COL24A1: variants seen among roughly 807,000 people sequenced by gnomAD.
The protein encoded by COL24A1 is collagen type XXIV alpha 1 chain.
A neutral mutation model predicts 253.9 loss-of-function variants in COL24A1; 224 were observed. The observed-to-expected ratio is 0.88, with a 90% CI of 0.79 to 0.99. The LOEUF (loss-of-function observed/expected upper bound fraction) is 0.99. COL24A1 is among the 50% of genes least tolerant of loss of function. The pLI is 0.00. For synonymous variants in COL24A1, 685 were observed against 673.7 expected (o/e 1.02, Z -0.26); for missense variants, 2,131 against 2,068.5 (o/e 1.03, Z -0.59).
intron 8 of COL24A1, among the ~76,000 whole-genome samples, chr1:86,061,949 G>C (rs1006102707): frequency 3.3e-5 from 5 of 151,892 alleles, no homozygotes; most frequent in Admixed American, 1.3e-4. Flanking sequence ...TCAGAATTCC[G>C]GCACTGCTCC....
chr1:86,141,046 G>T (rs1188846564), intron 2 of COL24A1, among the ~76,000 whole-genome samples: 1 of 152,170 alleles, frequency 6.6e-6, no homozygotes, highest in Admixed American at 6.5e-5. Flanking sequence ...TGAGAATAAG[G>T]AAATGTGGTT....
At chr1:85,955,553 A>G (rs1690362526) in intron 24 of COL24A1, among the ~76,000 whole-genome samples, 1 of 152,170 alleles carries the variant, frequency 6.6e-6, no homozygotes, top group South Asian at 2.1e-4. Context: ...GTGGGATTGG[A>G]GCCCCAAAAT....
intron 2 of COL24A1, among the ~76,000 whole-genome samples, chr1:86,142,306 G>A (rs1045204329): frequency 1.3e-5 from 2 of 151,842 alleles, no homozygotes; most frequent in Non-Finnish European, 2.9e-5. Context: ...GGAGGATCAC[G>A]AGATCAGGAG....
At chr1:86,122,622 C>G (rs1350491210) in intron 3 of COL24A1, among the ~76,000 whole-genome samples, 2 of 151,954 alleles carry the variant, frequency 1.3e-5, no homozygotes, top group Non-Finnish European at 2.9e-5. Context: ...TCACCATTCT[C>G]TCAATCTGCA....
chr1:86,118,007 A>C (rs895321905), intron 3 of COL24A1, among the ~76,000 whole-genome samples: 2 of 152,114 alleles, frequency 1.3e-5, no homozygotes, highest in Non-Finnish European at 2.9e-5. Context: ...TGTATATAAA[A>C]TACCTGTCAC....
chr1:85,902,254 G>A (rs566573700), intron 28 of COL24A1, among the ~76,000 whole-genome samples: 2 of 152,122 alleles, frequency 1.3e-5, no homozygotes, highest in East Asian at 3.9e-4. Flanking sequence ...CTCTGGGAGG[G>A]CTACCTTCTC....
intron 53 of COL24A1, among the ~76,000 whole-genome samples, chr1:85,773,056 A>C (rs958250114): frequency 1.3e-5 from 2 of 152,262 alleles, no homozygotes; most frequent in East Asian, 3.9e-4. Context: ...ATAAGGTGTA[A>C]GGAAGGGGTC....
intron 1 of COL24A1, among the ~76,000 whole-genome samples, chr1:86,150,786 T>A (rs1055776475): frequency 6.6e-6 from 1 of 152,174 alleles, no homozygotes; most frequent in Non-Finnish European, 1.5e-5. Flanking sequence ...TATTATACAT[T>A]TCCTCAACAA....
At chr1:85,873,247 A>C (rs987202844) in intron 35 of COL24A1, among the ~76,000 whole-genome samples, 12 of 152,216 alleles carry the variant, frequency 7.9e-5, no homozygotes, top group Non-Finnish European at 1.6e-4. Context: ...GTGGGACTGT[A>C]AACTAGTTCA....
chr1:85,841,538 T>C (rs1372536314), intron 41 of COL24A1, among the ~76,000 whole-genome samples: 1 of 152,194 alleles, frequency 6.6e-6, no homozygotes, highest in Non-Finnish European at 1.5e-5. Flanking sequence ...CAGATTTCAA[T>C]GATATTGTAA....
chr1:85,996,630 C>T (rs1694820659), intron 19 of COL24A1, among the ~76,000 whole-genome samples: 1 of 151,708 alleles, frequency 6.6e-6, no homozygotes, highest in Admixed American at 6.6e-5. Context: ...AGGGAGACTC[C>T]ATCTCAAAAA....
At chr1:85,903,005 C>T (rs1254409346) in intron 28 of COL24A1, among the ~76,000 whole-genome samples, 1 of 151,832 alleles carries the variant, frequency 6.6e-6, no homozygotes, top group Non-Finnish European at 1.5e-5. Flanking sequence ...ATGCATGTAA[C>T]AAAATATCAC....
intron 47 of COL24A1, among the ~76,000 whole-genome samples, chr1:85,814,357 G>A (rs1672859539): frequency 6.6e-6 from 1 of 152,116 alleles, no homozygotes; most frequent in Admixed American, 6.5e-5. Context: ...GGCATTGAAC[G>A]GAATCAACAT....
At chr1:86,026,010 A>G (rs187744567) in intron 14 of COL24A1, among the ~76,000 whole-genome samples, 117 of 152,346 alleles carry the variant, frequency 7.7e-4, no homozygotes, top group African/African-American at 2.7e-3. Context: ...CAGTAATCAC[A>G]GTATATGACA....
intron 7 of COL24A1, among the ~76,000 whole-genome samples, chr1:86,078,140 T>C (rs967918845): frequency 6.6e-6 from 1 of 152,092 alleles, no homozygotes. Context: ...GCAAGGATGA[T>C]TCAACACACA....
At chr1:85,963,439 A>C (rs1483291734) in intron 23 of COL24A1, among the ~76,000 whole-genome samples, 3 of 152,166 alleles carry the variant, frequency 2.0e-5, no homozygotes, top group African/African-American at 7.2e-5. Flanking sequence ...GGTTTGTGTT[A>C]ATAGTCAAAA....
intron 43 of COL24A1, 134 bp from the exon 44 acceptor site, chr1:85,823,872 T>C (rs1673922813): frequency 2.6e-6 from 2 of 773,088 alleles, no homozygotes; most frequent in Non-Finnish European, 4.2e-6. Flanking sequence ...TGATTCTTCT[T>C]GGAAATAGAA....
intron 3 of COL24A1, among the ~76,000 whole-genome samples, chr1:86,123,091 G>A (rs534337949): frequency 5.3e-5 from 8 of 151,926 alleles, no homozygotes; most frequent in African/African-American, 1.9e-4. Context: ...TGAAAAATGA[G>A]GATAACACTA....
rs60994639 is a variant in COL24A1, at chr1:85,885,397, A to ATATATATATTTTTT, written c.2976+4162_2976+4163insAAAAAATATATATA. 1.7e-3 allele frequency among the ~76,000 whole-genome samples: 218 copies of ATATATATATTTTTT among 128,860 alleles called. 1 individual carries two copies. The highest frequency in any genetic ancestry group is 2.4e-3 in the Non-Finnish European group (151 of 62,090). 84.5% of individuals were successfully genotyped at this position (128,860 alleles called of 152,430 possible). On this transcript the variant is annotated intron_variant, in intron 32 of 59. Transcript: ENST00000370571. ...TGTGTGTATATATATATATATATAT[A>ATATATATATTTTTT]TTTTTTTTTTAAGTAGAAACTAAAT...
Sources: allele counts gnomAD v4.1 joint callset (sites outside exome capture counted in the v4.1 genomes callset), GRCh38; gene constraint gnomAD v4.1.1; transcripts MANE v1.5; gene names NCBI Gene and HGNC (gene_info 2026-07-23, HGNC 2026-07-21).